The following NEK11 variants were observed in gnomAD, a reference collection of about 807,000 sequenced individuals.
NEK11 encodes the protein serine/threonine-protein kinase Nek11.
Under a neutral mutation model 80.7 loss-of-function variants are expected in NEK11, and 72 were observed. The observed-to-expected ratio is 0.89, with a 90% CI of 0.74 to 1.08. The LOEUF (loss-of-function observed/expected upper bound fraction) is 1.08. Ranked by LOEUF, NEK11 falls within the 50% of genes least tolerant of loss-of-function variation. The pLI, the probability that NEK11 is intolerant of heterozygous loss-of-function variation, is 0.00. For missense variants in NEK11, 764 were observed against 763.6 expected (o/e 1.00, Z -0.01); for synonymous variants, 251 against 260.7 (o/e 0.96, Z 0.36).
At chr3:131,065,068 C>T (rs1312776451) in intron 3 of NEK11, among the ~76,000 whole-genome samples, 2 of 152,152 alleles carry the variant, frequency 1.3e-5, no homozygotes, top group Non-Finnish European at 2.9e-5. Context: ...TTATCATGCC[C>T]TTGCTAGTCT....
chr3:131,345,911 A>G (rs1371763265), intron 17 of NEK11, among the ~76,000 whole-genome samples: 1 of 152,204 alleles, frequency 6.6e-6, no homozygotes, highest in Admixed American at 6.5e-5. Context: ...CGCTAAGTGA[A>G]AAATAGCCAG....
intron 5 of NEK11, among the ~76,000 whole-genome samples, chr3:131,132,049 G>T (rs2084581108): frequency 6.6e-6 from 1 of 152,000 alleles, no homozygotes; most frequent in Non-Finnish European, 1.5e-5. Flanking sequence ...ATTTTGATGT[G>T]AGAGCAGAAA....
chr3:131,300,014 T>A (rs1184441745), intron 17 of NEK11, among the ~76,000 whole-genome samples: 2 of 152,228 alleles, frequency 1.3e-5, no homozygotes, highest in African/African-American at 4.8e-5. Flanking sequence ...AAGCATTCCC[T>A]TTTCTCTGCA....
At chr3:131,243,571 A>C in intron 16 of NEK11, 75 bp downstream of exon 16, 1 of 1,292,844 alleles carries the variant, frequency 7.7e-7, no homozygotes, top group Non-Finnish European at 1.1e-6. Flanking sequence ...AAGAAATCTT[A>C]CAGGTGTTTA....
chr3:131,288,434 A>G (rs1040872074), intron 17 of NEK11, among the ~76,000 whole-genome samples: 2 of 90,562 alleles, frequency 2.2e-5, no homozygotes, highest in African/African-American at 3.9e-5. Context: ...ATTATATGGT[A>G]TGCATTTCTT....
intron 14 of NEK11, among the ~76,000 whole-genome samples, chr3:131,212,620 T>A (rs2094673434): frequency 6.6e-6 from 1 of 152,232 alleles, no homozygotes. Flanking sequence ...TAAGAAACTG[T>A]TAATTACCCT....
At chr3:131,150,640 G>T (rs1324692686) in intron 7 of NEK11, among the ~76,000 whole-genome samples, 1 of 151,800 alleles carries the variant, frequency 6.6e-6, no homozygotes, top group African/African-American at 2.4e-5. Flanking sequence ...TGATAATTTA[G>T]TTTTTTAATT....
At chr3:131,181,473 G>A (rs2674618) in intron 14 of NEK11, among the ~76,000 whole-genome samples, 104,575 of 151,570 alleles carry the variant, frequency 0.69, 36,244 homozygotes, top group African/African-American at 0.77. Context: ...TTGGCTGGGC[G>A]CAATGGCTCA....
At chr3:131,089,832 GA>G (rs2076483009) in intron 4 of NEK11, among the ~76,000 whole-genome samples, 1 of 152,124 alleles carries the variant, frequency 6.6e-6, no homozygotes, top group African/African-American at 2.4e-5. Flanking sequence ...GGAAGATTTT[GA>G]TGCATAATAT....
intron 3 of NEK11, among the ~76,000 whole-genome samples, chr3:131,035,571 A>G (rs911196334): frequency 1.3e-5 from 2 of 152,150 alleles, no homozygotes; most frequent in African/African-American, 4.8e-5. Context: ...TTTCATATTC[A>G]TACACCCAGA....
intron 17 of NEK11, among the ~76,000 whole-genome samples, chr3:131,345,407 G>A (rs1421468122): frequency 6.6e-6 from 1 of 152,148 alleles, no homozygotes; most frequent in Non-Finnish European, 1.5e-5. Context: ...TCTCTCCAAA[G>A]ATGACATAAA....
intron 17 of NEK11, chr3:131,330,768 C>T (rs1361610348): frequency 1.3e-5 from 2 of 152,154 alleles, no homozygotes; most frequent in African/African-American, 4.8e-5. Context: ...CAGAACACCA[C>T]AATCTGAGTA....
At chr3:131,107,344 A>G (rs1263277973) in intron 4 of NEK11, among the ~76,000 whole-genome samples, 3 of 149,776 alleles carry the variant, frequency 2.0e-5, no homozygotes, top group Non-Finnish European at 3.0e-5. Context: ...CATGTACCCT[A>G]AAACTTAAAG....
At chr3:131,305,595 T>C (rs6790700) in intron 17 of NEK11, among the ~76,000 whole-genome samples, 19,546 of 152,128 alleles carry the variant, frequency 0.13, 1,860 homozygotes, top group East Asian at 0.3. Flanking sequence ...TGCAGATGTT[T>C]CTACACCAAA....
At chr3:131,269,750 A>G (rs1466307546) in intron 16 of NEK11, among the ~76,000 whole-genome samples, 2 of 152,164 alleles carry the variant, frequency 1.3e-5, no homozygotes, top group African/African-American at 4.8e-5. Flanking sequence ...ATTTTTCAGA[A>G]AGCAGAGCTT....
chr3:131,147,083 G>T (rs2088508827), intron 7 of NEK11, among the ~76,000 whole-genome samples: 1 of 151,874 alleles, frequency 6.6e-6, no homozygotes. Context: ...TGCCTTTTAT[G>T]TCTTAAGAAA....
chr3:131,083,786 CAACTG>C (rs2075625665), intron 4 of NEK11, among the ~76,000 whole-genome samples: 1 of 152,176 alleles, frequency 6.6e-6, no homozygotes, highest in Non-Finnish European at 1.5e-5. Flanking sequence ...AAACAGCAGA[CAACTG>C]AACTCTCATA....
intron 15 of NEK11, among the ~76,000 whole-genome samples, chr3:131,232,189 C>T (rs1368766231): frequency 6.6e-6 from 1 of 152,166 alleles, no homozygotes; most frequent in Admixed American, 6.5e-5. Context: ...GAATTGGAGC[C>T]AGCATCTTAG....
At chr3:131,097,712 G>A (rs1431014071) in intron 4 of NEK11, among the ~76,000 whole-genome samples, 11 of 150,836 alleles carry the variant, frequency 7.3e-5, no homozygotes, top group Non-Finnish European at 1.5e-4. Context: ...AATCAATATC[G>A]TGAAAATGGC....
Sources: gnomAD v4.1 joint callset for allele counts (sites outside exome capture counted in the v4.1 genomes callset) on GRCh38, gnomAD v4.1.1 for gene constraint, MANE v1.5 for transcripts, NCBI Gene and HGNC (gene_info 2026-07-23, HGNC 2026-07-21) for gene names.